The following MAP2 variants were observed in gnomAD, a reference collection of about 807,000 sequenced individuals.
MAP2 encodes the protein microtubule-associated protein 2.
Under a neutral mutation model 137.6 loss-of-function variants are expected in MAP2, and 14 were observed. The ratio of observed to expected loss-of-function variants is 0.10; its 90% CI spans 0.07 to 0.16. MAP2 has a LOEUF of 0.16. MAP2 is among the 10% of genes least tolerant of loss of function. MAP2 has a pLI of 1.00. For missense variants in MAP2, 2,088 were observed against 2,191.5 expected, an observed-to-expected ratio of 0.95 and a Z score of 0.94; for synonymous variants, 786 against 782.3, an observed-to-expected ratio of 1.00 and a Z score of -0.08.
At chr2:209,572,010 G>A (rs993989285) in intron 2 of MAP2, among the ~76,000 whole-genome samples, 7 of 151,482 alleles carry the variant, frequency 4.6e-5, no homozygotes, top group Non-Finnish European at 8.9e-5. Flanking sequence ...TGAATATCTC[G>A]GAGGTTCAAG....
At chr2:209,637,973 T>C (rs1220173052) in intron 4 of MAP2, among the ~76,000 whole-genome samples, 1 of 152,170 alleles carries the variant, frequency 6.6e-6, no homozygotes, top group East Asian at 1.9e-4. Context: ...GCCCACCACA[T>C]AATATTGCCA....
At chr2:209,617,418 G>A (rs746145671) in intron 3 of MAP2, among the ~76,000 whole-genome samples, 2 of 152,152 alleles carry the variant, frequency 1.3e-5, no homozygotes. Context: ...ACACATCAAA[G>A]CTGGAGGATA....
intron 2 of MAP2, among the ~76,000 whole-genome samples, chr2:209,538,112 G>A (rs78989158): frequency 0.027 from 4,122 of 152,206 alleles, 192 homozygotes; most frequent in African/African-American, 0.094. Context: ...GTGTCTTCAC[G>A]CAGAAATCTG....
chr2:209,537,921 T>A (rs2066238171), intron 2 of MAP2, among the ~76,000 whole-genome samples: 1 of 152,206 alleles, frequency 6.6e-6, no homozygotes, highest in African/African-American at 2.4e-5. Context: ...TATTTGATGT[T>A]TGGCACCTGT....
chr2:209,729,117 G>A (rs1214303752), intron 14 of MAP2, among the ~76,000 whole-genome samples: 1 of 152,212 alleles, frequency 6.6e-6, no homozygotes, highest in Non-Finnish European at 1.5e-5. Context: ...GCATGGCACT[G>A]TTATAATCAG....
intron 1 of MAP2, among the ~76,000 whole-genome samples, chr2:209,472,713 A>G (rs1254977459): frequency 1.3e-5 from 2 of 151,988 alleles, no homozygotes; most frequent in African/African-American, 4.8e-5. Flanking sequence ...TGTAACACAG[A>G]GATGAGTGGT....
intron 1 of MAP2, among the ~76,000 whole-genome samples, chr2:209,455,251 A>G (rs1046823498): frequency 6.6e-6 from 1 of 152,232 alleles, no homozygotes; most frequent in Non-Finnish European, 1.5e-5. Flanking sequence ...ACCTTACTTT[A>G]CAAATGAAGA....
chr2:209,584,057 A>G (rs1302335971), intron 3 of MAP2, among the ~76,000 whole-genome samples: 1 of 152,100 alleles, frequency 6.6e-6, no homozygotes, highest in Non-Finnish European at 1.5e-5. Context: ...AATTTGCTTA[A>G]GATAATGGAT....
chr2:209,512,850 A>C (rs190362267), intron 2 of MAP2, among the ~76,000 whole-genome samples: 58 of 152,046 alleles, frequency 3.8e-4, no homozygotes, highest in Admixed American at 3.0e-3. Flanking sequence ...GGGTCTCTCT[A>C]TGTTGCCCAG....
intron 11 of MAP2, among the ~76,000 whole-genome samples, chr2:209,703,437 A>T (rs953183509): frequency 3.3e-5 from 5 of 152,134 alleles, no homozygotes; most frequent in Non-Finnish European, 4.4e-5. Context: ...ATTCCAGCAG[A>T]TAGGATATTG....
At chr2:209,658,402 G>T (rs2041887296) in intron 5 of MAP2, among the ~76,000 whole-genome samples, 2 of 151,868 alleles carry the variant, frequency 1.3e-5, no homozygotes, top group Admixed American at 1.3e-4. Context: ...AAACAGGGAT[G>T]TGCAAACAAA....
chr2:209,536,629 G>T (rs916519474), intron 2 of MAP2, among the ~76,000 whole-genome samples: 1 of 152,150 alleles, frequency 6.6e-6, no homozygotes, highest in African/African-American at 2.4e-5. Flanking sequence ...AGCCTTGTCT[G>T]TGTCTTGGGT....
chr2:209,575,333 A>G (rs756828869), intron 2 of MAP2, among the ~76,000 whole-genome samples: 2 of 151,956 alleles, frequency 1.3e-5, no homozygotes, highest in Admixed American at 6.6e-5. Context: ...CATCCTGGCT[A>G]ACACAGTGAA....
intron 2 of MAP2, among the ~76,000 whole-genome samples, chr2:209,540,492 G>A (rs1047615275): frequency 2.7e-5 from 4 of 150,346 alleles, no homozygotes; most frequent in Middle Eastern, 3.4e-3. Context: ...ATTGCCGAGC[G>A]TGGTGGCACG....
At chr2:209,614,625 TCTCA>T (rs1270812029) in intron 3 of MAP2, among the ~76,000 whole-genome samples, 2 of 152,168 alleles carry the variant, frequency 1.3e-5, no homozygotes, top group Non-Finnish European at 2.9e-5. Flanking sequence ...TAAGTAATAT[TCTCA>T]CTCAATTAAG....
At chr2:209,542,450 C>T (rs1243166676) in intron 2 of MAP2, among the ~76,000 whole-genome samples, 1 of 152,210 alleles carries the variant, frequency 6.6e-6, no homozygotes, top group Non-Finnish European at 1.5e-5. Flanking sequence ...CTGCACTAGC[C>T]TCTAACAGGA....
chr2:209,465,706 T>C (rs780084040), intron 1 of MAP2, among the ~76,000 whole-genome samples: 2 of 152,208 alleles, frequency 1.3e-5, no homozygotes, highest in Non-Finnish European at 2.9e-5. Context: ...TACACTACAA[T>C]TTGTAGACTC....
At chr2:209,468,317 C>CTTTTTTTTTTTTTTTTT (rs11450792) in intron 1 of MAP2, among the ~76,000 whole-genome samples, 1 of 88,532 alleles carries the variant, frequency 1.1e-5, no homozygotes, top group Non-Finnish European at 2.0e-5. Flanking sequence ...TTTAGTGTTT[C>CTTTTTTTTTTTTTTTTT]TTTTTTTTTT....
rs563049519 is a variant in MAP2 at position 209,573,514 on chromosome 2, G to A, written c.-171-6522G>A. ...TCCCCATGTTGGCCAGGCTGGTTTCGAACTCCTGACCTCAGGTGATCCACC... is the reference window on the plus strand; with the variant it reads ...TCCCCATGTTGGCCAGGCTGGTTTCAAACTCCTGACCTCAGGTGATCCACC... On this transcript the variant is annotated intron_variant, in intron 2 of 15. Transcript: ENST00000682079. Among the ~76,000 whole-genome samples the A allele has an allele frequency of 3.3e-5, 5 of 151,868 alleles. No individual in the cohort carries two copies. The South Asian group carries it at 8.3e-4, about 25-fold the overall frequency.
Sources: gnomAD v4.1 joint callset for allele counts (sites outside exome capture counted in the v4.1 genomes callset) on GRCh38, gnomAD v4.1.1 for gene constraint, MANE v1.5 for transcripts, NCBI Gene and HGNC (gene_info 2026-07-23, HGNC 2026-07-21) for gene names.